SLC26A1: variants seen among roughly 807,000 people sequenced by gnomAD.
SLC26A1 encodes the protein sulfate anion transporter 1.
In SLC26A1, 18 loss-of-function variants were observed where a neutral mutation model predicts 14.5. The observed-to-expected ratio is 1.24, with a 90% CI of 0.86 to 1.84. The LOEUF (loss-of-function observed/expected upper bound fraction) is 1.84, where lower values mean the gene tolerates loss of function less well. SLC26A1 is among the 40% of genes most tolerant of loss of function. SLC26A1 has a pLI of 0.00. For synonymous variants in SLC26A1, 505 were observed against 492.0 expected (o/e 1.03, Z -0.35); for missense variants, 1,049 against 1,020.0 (o/e 1.03, Z -0.39).
chr4:987,903 A>G lies in SLC26A1; in HGVS notation c.*930T>C. 2 of 1,608,080 alleles carry G rather than the reference A, an allele frequency of 1.2e-6. No individual in the cohort carries two copies. The highest frequency in any genetic ancestry group is 1.7e-6 in the Non-Finnish European group (2 of 1,178,036). On this transcript the variant is annotated 3_prime_UTR_variant, in exon 3 of 3. Transcript: ENST00000398516. ...TGTGGGCGCCGTCCCTCACCGCGGC[A>G]TCAAGCAGGTCCGGACCCACTGGCT...
intron 2 of SLC26A1, 67 bp downstream of exon 2, chr4:991,061 C>T (rs897407420): frequency 5.5e-6 from 8 of 1,453,574 alleles, no homozygotes; most frequent in Admixed American, 5.2e-5. Flanking sequence ...GCCTTGCCCT[C>T]GTGGATGGCC....
At chr4:985,897 G>A (rs573188303), downstream of SLC26A1, among the ~76,000 whole-genome samples, 14 of 152,088 alleles carry the variant, frequency 9.2e-5, no homozygotes, top group South Asian at 1.0e-3. Context: ...CAGTATTTTC[G>A]TTTTGTTAGT....
chr4:985,101 GAC>G (rs1359112409), downstream of SLC26A1, among the ~76,000 whole-genome samples: 1 of 152,230 alleles, frequency 6.6e-6, no homozygotes, highest in African/African-American at 2.4e-5. Context: ...TCCCCACAAA[GAC>G]AATTCTGTTG....
chr4:986,746 G>C (rs1713744800), downstream of SLC26A1: 1 of 482,262 alleles, frequency 2.1e-6, no homozygotes, highest in South Asian at 1.5e-5. Flanking sequence ...GACAAAGCAA[G>C]ACTCTGTCTC....
rs745684120 is a variant in SLC26A1, at chr4:989,146, G to A, written c.1793C>T (p.Thr598Ile). 6 of 1,607,712 alleles carry A rather than the reference G, an allele frequency of 3.7e-6. No homozygotes were observed. Among genetic ancestry groups the A allele is most frequent in the South Asian group, 1.1e-5 (1 of 90,622 alleles). The part of the protein sequence containing the change: ...AQGEDLGPVS[T>I]RAALVPAAAG... ...CGCTGCGGGCACCAGCGCAGCCCTGGTGCTAACCGGGCCCAGGTCCTCGCC... is the reference window on the plus strand; with the variant it reads ...CGCTGCGGGCACCAGCGCAGCCCTGATGCTAACCGGGCCCAGGTCCTCGCC... The change falls in exon 3 of 3, where the codon ACC becomes ATC. Residue 598 changes from threonine (T) to isoleucine (I), a missense_variant. By Grantham distance (89) the Thr-to-Ile change is moderately conservative. Transcript: ENST00000398516.
At chr4:982,462 G>A (rs1713574126) in intron 2 of SLC26A1, among the ~76,000 whole-genome samples, 1 of 152,252 alleles carries the variant, frequency 6.6e-6, no homozygotes, top group African/African-American at 2.4e-5. Context: ...ATGGGTGCGT[G>A]CGTGAGGGTA....
At position 991,114 on chromosome 4, in the gene SLC26A1, G is replaced by T. The variant is rs1714265091; in HGVS notation, c.576+14C>A. The stretch of plus-strand genomic sequence containing the variant: ...GCCCTGGGCCCCTCCCTGTGCCCAA[G>T]CAGGGCTCCTCACCTGGTAAAGCCC... On this transcript the variant is annotated intron_variant, in intron 2 of 2. Coordinates refer to ENST00000398516, the MANE Select transcript of SLC26A1 (RefSeq NM_022042.4). 6.6e-7 allele frequency: 1 copy of T among 1,524,578 alleles called. No individual in the cohort carries two copies. The highest frequency in any genetic ancestry group is 2.3e-5 in the East Asian group (1 of 44,006). The allele number at this position is 1,524,578 out of a possible 1,614,324, so 94.4% of individuals were successfully genotyped here. A position where few individuals can be genotyped will look rare whatever the true frequency, so the allele number is the denominator to read the frequency against.
chr4:989,078 ACAG>A lies in SLC26A1; in HGVS notation c.1858_1860del (p.Leu620del), dbSNP rs1420876374. ...GTGCTCACACCGGCTGCGTCTAGGA[ACAG>A]CAGCGGGGCGCAGTCGATGACCACT... On this transcript the variant is annotated inframe_deletion, in exon 3 of 3. Transcript: ENST00000398516. 1 of 1,594,610 alleles carries A rather than the reference ACAG, an allele frequency of 6.3e-7. No homozygotes were observed. Among genetic ancestry groups the A allele is most frequent in the African/African-American group, 1.3e-5 (1 of 74,374 alleles).
At chr4:981,003 C>G (rs569055673) in intron 2 of SLC26A1, among the ~76,000 whole-genome samples, 1 of 152,190 alleles carries the variant, frequency 6.6e-6, no homozygotes, top group South Asian at 2.1e-4. Flanking sequence ...TTAGGCCGCA[C>G]ACCCTGAGAC....
At chr4:982,443 C>A (rs560017897) in intron 2 of SLC26A1, among the ~76,000 whole-genome samples, 1 of 152,178 alleles carries the variant, frequency 6.6e-6, no homozygotes, top group Non-Finnish European at 1.5e-5. Flanking sequence ...ACCCTCTGAG[C>A]GAAGAGAAAT....
At chr4:985,929 C>A (rs1181481336), downstream of SLC26A1, among the ~76,000 whole-genome samples, 1 of 151,558 alleles carries the variant, frequency 6.6e-6, no homozygotes, top group Admixed American at 6.6e-5. Context: ...TTTTTCTTTT[C>A]TTTTTTTAGA....
At chr4:987,600 G>C (rs531641237), downstream of SLC26A1, 2 of 1,421,234 alleles carry the variant, frequency 1.4e-6, no homozygotes, top group Non-Finnish European at 1.8e-6. Flanking sequence ...CAGGGCTGGC[G>C]TTGGCCCCTC....
exon 3 of SLC26A1, chr4:979,301 G>T: frequency 1.4e-6 from 1 of 739,872 alleles, no homozygotes; most frequent in Non-Finnish European, 2.3e-6. Flanking sequence ...CCCAGGTGCT[G>T]ATCCAAGCCT....
chr4:980,204 C>T (rs1164099757), intron 2 of SLC26A1, among the ~76,000 whole-genome samples: 1 of 152,164 alleles, frequency 6.6e-6, no homozygotes, highest in African/African-American at 2.4e-5. Flanking sequence ...GGGACACTGG[C>T]TTTGTGTGAC....
chr4:989,208 G>GC lies in SLC26A1; in HGVS notation c.1730dup (p.Ser578LeufsTer7), dbSNP rs756900523. 1.2e-6 allele frequency: 2 copies of GC among 1,609,464 alleles called. No homozygotes were observed. Among genetic ancestry groups the GC allele is most frequent in the Non-Finnish European group, 1.7e-6 (2 of 1,177,726 alleles). On this transcript the variant is annotated frameshift_variant, in exon 3 of 3. Transcript: ENST00000398516. LOFTEE classifies it low-confidence loss of function (END_TRUNC). Reference sequence around the variant, plus strand: ...CTCCCTCACCGACCCCCGTCTCTGAGCCCCCCTCCTTCCTCCTGGCAGCCA... The same window carrying GC: ...CTCCCTCACCGACCCCCGTCTCTGAGCCCCCCCTCCTTCCTCCTGGCAGCCA...
chr4:985,063 G>T (rs1204459074), downstream of SLC26A1, among the ~76,000 whole-genome samples: 1 of 152,202 alleles, frequency 6.6e-6, no homozygotes, highest in Non-Finnish European at 1.5e-5. Context: ...TTCTCTCAGG[G>T]CTTGAGGTGA....
At chr4:990,927 C>T in intron 2 of SLC26A1, 1 of 575,822 alleles carries the variant, frequency 1.7e-6, no homozygotes, top group Non-Finnish European at 3.0e-6. Flanking sequence ...TGCCCCTCCC[C>T]TCCTGCATCC....
chr4:988,213 T>A lies in SLC26A1; in HGVS notation c.*620A>T. ...CCGCACCTGGCTCCTGGTGCACCCG[T>A]GAGCATCCCTGTGTGTGTCTGCTGG... On this transcript the variant is annotated 3_prime_UTR_variant, in exon 3 of 3. Coordinates refer to ENST00000398516, the MANE Select transcript of SLC26A1 (RefSeq NM_022042.4). 1 of 1,335,886 alleles carries A rather than the reference T, an allele frequency of 7.5e-7. No homozygotes were observed. The highest frequency in any genetic ancestry group is 1.5e-5 in the African/African-American group (1 of 67,658). 82.8% of individuals were successfully genotyped at this position (1,335,886 alleles called of 1,614,324 possible).
Position 990,004 on chromosome 4 carries a change from T to G in SLC26A1, c.935A>C (p.His312Pro). 6.4e-7 allele frequency: 1 copy of G among 1,571,874 alleles called. No individual in the cohort carries two copies. Among genetic ancestry groups the G allele is most frequent in the Non-Finnish European group, 8.6e-7 (1 of 1,160,492 alleles). The change falls in exon 3 of 3, where the codon CAC becomes CCC. Residue 312 changes from histidine (H) to proline (P), a missense_variant. Coordinates refer to ENST00000398516, the MANE Select transcript of SLC26A1 (RefSeq NM_022042.4). ...ATLVSHFGQL[H>P]KRFGSSVAGD... ...AGCCACGCTCGAGCCAAAGCGCTTG[T>G]GGAGCTGCCCGAAGTGCGACACGAG...
Sources: gnomAD v4.1 joint callset for allele counts (sites outside exome capture counted in the v4.1 genomes callset) on GRCh38, gnomAD v4.1.1 for gene constraint, MANE v1.5 for transcripts, NCBI Gene and HGNC (gene_info 2026-07-23, HGNC 2026-07-21) for gene names.